LRP1B: variants seen among roughly 807,000 people sequenced by gnomAD.
LRP1B encodes LDL receptor related protein 1B.
In LRP1B, 217 loss-of-function variants were observed where a neutral mutation model predicts 556.6. The ratio of observed to expected loss-of-function variants is 0.39; its 90% CI spans 0.35 to 0.44. The LOEUF is 0.44. Ranked by LOEUF, LRP1B falls within the 20% of genes least tolerant of loss-of-function variation. The pLI is 1.00. For missense variants in LRP1B, 5,053 were observed against 5,620.8 expected (o/e 0.90, Z 3.23); for synonymous variants, 2,047 against 1,865.8 (o/e 1.10, Z -2.50).
chr2:141,167,217 C>A (rs184394597), intron 7 of LRP1B: 1 of 151,804 alleles, frequency 6.6e-6, no homozygotes, highest in Non-Finnish European at 1.5e-5. Context: ...TATCATTTCA[C>A]GCTCAAACAC....
intron 6 of LRP1B, among the ~76,000 whole-genome samples, chr2:141,210,038 T>G (rs1682473603): frequency 6.7e-6 from 1 of 149,492 alleles, no homozygotes; most frequent in African/African-American, 2.5e-5. Flanking sequence ...AATGTTAAAA[T>G]AAACCTATAA....
At chr2:140,563,511 G>A (rs979954980) in intron 43 of LRP1B, among the ~76,000 whole-genome samples, 1 of 152,130 alleles carries the variant, frequency 6.6e-6, no homozygotes, top group Admixed American at 6.6e-5. Flanking sequence ...TCAGCCTTAC[G>A]AAGCAGATTA....
chr2:141,991,439 T>G (rs887563241), intron 1 of LRP1B, among the ~76,000 whole-genome samples: 2 of 152,004 alleles, frequency 1.3e-5, no homozygotes, highest in African/African-American at 4.8e-5. Flanking sequence ...AAATTAAAAT[T>G]TCCTTAACGG....
chr2:140,510,121 A>C (rs2104918207), intron 51 of LRP1B, 65 bp from the exon 52 acceptor site: 1 of 1,546,752 alleles, frequency 6.5e-7, no homozygotes, highest in Non-Finnish European at 8.8e-7. Context: ...TCTACCATTT[A>C]CATTTTCTAC....
At chr2:140,814,781 A>T (rs532362962) in intron 31 of LRP1B, among the ~76,000 whole-genome samples, 1 of 152,160 alleles carries the variant, frequency 6.6e-6, no homozygotes, top group Admixed American at 6.5e-5. Flanking sequence ...AATCAAGCCA[A>T]TGACTTAAGA....
At chr2:141,616,733 A>G (rs1025071793) in intron 2 of LRP1B, among the ~76,000 whole-genome samples, 21 of 152,356 alleles carry the variant, frequency 1.4e-4, no homozygotes, top group African/African-American at 4.8e-4. Flanking sequence ...AAAGATTTCA[A>G]ACATCCATCT....
chr2:141,838,630 A>G (rs1384944847), intron 1 of LRP1B, among the ~76,000 whole-genome samples: 1 of 152,180 alleles, frequency 6.6e-6, no homozygotes, highest in African/African-American at 2.4e-5. Flanking sequence ...TGAATGCTTC[A>G]GCATGCCTCA....
intron 1 of LRP1B, among the ~76,000 whole-genome samples, chr2:141,858,390 C>T (rs1280812200): frequency 6.6e-6 from 1 of 152,168 alleles, no homozygotes; most frequent in African/African-American, 2.4e-5. Context: ...CTTTCATTCG[C>T]ATCTTCAATA....
chr2:141,950,335 T>C (rs563138843), intron 1 of LRP1B, among the ~76,000 whole-genome samples: 2 of 152,320 alleles, frequency 1.3e-5, no homozygotes, highest in East Asian at 1.9e-4. Context: ...AAAGAGAGTT[T>C]TAACTTGCTA....
At chr2:141,356,917 A>T (rs993906170) in intron 3 of LRP1B, among the ~76,000 whole-genome samples, 7 of 152,264 alleles carry the variant, frequency 4.6e-5, no homozygotes, top group African/African-American at 1.7e-4. Context: ...TTAAAACGCC[A>T]ATTATTTGTT....
At chr2:140,457,927 ATAC>A (rs1218236609) in intron 60 of LRP1B, among the ~76,000 whole-genome samples, 1 of 152,124 alleles carries the variant, frequency 6.6e-6, no homozygotes, top group Non-Finnish European at 1.5e-5. Flanking sequence ...CCAGAAACAA[ATAC>A]CATCCACCAT....
At chr2:141,232,823 C>A (rs1683521198) in intron 5 of LRP1B, among the ~76,000 whole-genome samples, 1 of 147,662 alleles carries the variant, frequency 6.8e-6, no homozygotes, top group African/African-American at 2.4e-5. Context: ...TAATTACTAA[C>A]TGTGGTTTAC....
chr2:141,478,885 A>C (rs1262929844), intron 3 of LRP1B, among the ~76,000 whole-genome samples: 1 of 152,042 alleles, frequency 6.6e-6, no homozygotes, highest in Non-Finnish European at 1.5e-5. Flanking sequence ...CAATTACATA[A>C]AAGATGTCAC....
chr2:140,915,144 A>C (rs1694536991), intron 21 of LRP1B, among the ~76,000 whole-genome samples: 1 of 152,192 alleles, frequency 6.6e-6, no homozygotes, highest in Non-Finnish European at 1.5e-5. Flanking sequence ...AATTAGTGAG[A>C]CATAAGACAT....
intron 84 of LRP1B, among the ~76,000 whole-genome samples, chr2:140,291,685 A>T (rs1207515306): frequency 6.6e-6 from 1 of 152,046 alleles, no homozygotes; most frequent in Non-Finnish European, 1.5e-5. Context: ...TATATGTGCC[A>T]CATTTTCTTA....
chr2:140,677,345 G>A (rs899767190), intron 41 of LRP1B, among the ~76,000 whole-genome samples: 2 of 152,168 alleles, frequency 1.3e-5, no homozygotes, highest in Non-Finnish European at 2.9e-5. Flanking sequence ...TAGGAAAGGT[G>A]GAGAGGACAA....
At chr2:141,557,726 G>A (rs184711324) in intron 2 of LRP1B, among the ~76,000 whole-genome samples, 3 of 151,976 alleles carry the variant, frequency 2.0e-5, no homozygotes, top group South Asian at 4.2e-4. Context: ...CCCGCAGAGG[G>A]CCACCCTGCC....
At chr2:140,497,407 G>C (rs1443906153) in intron 55 of LRP1B, among the ~76,000 whole-genome samples, 1 of 151,380 alleles carries the variant, frequency 6.6e-6, no homozygotes, top group African/African-American at 2.4e-5. Flanking sequence ...ACTTAACTAT[G>C]GCCAAAGAAA....
intron 77 of LRP1B, among the ~76,000 whole-genome samples, chr2:140,348,563 T>C (rs1681801944): frequency 6.6e-6 from 1 of 151,988 alleles, no homozygotes; most frequent in South Asian, 2.1e-4. Flanking sequence ...GAGATTTAAA[T>C]ACAGAGGTGA....
Sources: gnomAD v4.1 joint callset for allele counts (sites outside exome capture counted in the v4.1 genomes callset) on GRCh38, gnomAD v4.1.1 for gene constraint, MANE v1.5 for transcripts, NCBI Gene and HGNC (gene_info 2026-07-23, HGNC 2026-07-21) for gene names.